Variants in COL8A2 observed in about 807,000 individuals in gnomAD.
COL8A2 encodes the protein collagen alpha-2(VIII) chain.
Under a neutral mutation model 24.0 loss-of-function variants are expected in COL8A2, and 16 were observed. The ratio of observed to expected loss-of-function variants is 0.67; its 90% CI spans 0.45 to 1.01. The LOEUF (loss-of-function observed/expected upper bound fraction) is 1.01, where lower values mean the gene tolerates loss of function less well. COL8A2 is among the 50% of genes least tolerant of loss of function. The probability of loss-of-function intolerance (pLI) is 0.00; values close to 1 mark genes in which losing one functional copy is unlikely to be tolerated. For synonymous variants in COL8A2, 466 were observed against 424.5 expected (o/e 1.10, Z -1.20); for missense variants, 818 against 942.4 (o/e 0.87, Z 1.73).
At chr1:36,101,753 TGAA>T (rs1462682873) in intron 2 of COL8A2, among the ~76,000 whole-genome samples, 1 of 152,180 alleles carries the variant, frequency 6.6e-6, no homozygotes, top group Non-Finnish European at 1.5e-5. Context: ...TGAAAATGAA[TGAA>T]GTACAGGCTG....
At chr1:36,109,956 G>C (rs1285792601) in intron 2 of COL8A2, among the ~76,000 whole-genome samples, 1 of 121,064 alleles carries the variant, frequency 8.3e-6, no homozygotes, top group Non-Finnish European at 1.6e-5. Context: ...TTGAGACGGA[G>C]TCTTGCTCTG....
intron 1 of COL8A2, among the ~76,000 whole-genome samples, chr1:36,118,327 C>T (rs749004540): frequency 5.9e-5 from 9 of 152,210 alleles, no homozygotes; most frequent in Non-Finnish European, 8.8e-5. Flanking sequence ...ACCTCAGCCA[C>T]GGGCCCTGCC....
intron 2 of COL8A2, among the ~76,000 whole-genome samples, chr1:36,106,549 G>A (rs1259588276): frequency 6.6e-6 from 1 of 152,198 alleles, no homozygotes; most frequent in Non-Finnish European, 1.5e-5. Context: ...GGAAGCCGAG[G>A]GAGGGGAGGG....
rs35841184 is a variant in COL8A2, at chr1:36,097,923, G to A, written c.1758C>T (p.Pro586=). The part of the protein sequence containing the change: ...AFTAVLTSPF[P]ASGMPVKFDR... ...CAAATTTCACGGGCATGCCCGAGGC[G>A]GGGAAGGGCGAGGTGAGCACCGCAG... The change falls in exon 4 of 4, where the codon CCC becomes CCT. Residue 586 remains proline, a synonymous_variant. Coordinates refer to ENST00000397799, the MANE Select transcript of COL8A2 (RefSeq NM_005202.4). 0.023 allele frequency: 37,253 copies of A among 1,611,396 alleles called. 552 individuals are homozygous for A. Among genetic ancestry groups the A allele is most frequent in the South Asian group, 0.032 (2,923 of 91,072 alleles).
intron 1 of COL8A2, among the ~76,000 whole-genome samples, chr1:36,121,920 G>A (rs1643917493): frequency 1.3e-5 from 2 of 152,060 alleles, no homozygotes; most frequent in Non-Finnish European, 2.9e-5. Flanking sequence ...TGGGCCAGCA[G>A]TGCCACCTGG....
intron 1 of COL8A2, among the ~76,000 whole-genome samples, chr1:36,124,754 G>T (rs72906731): frequency 6.6e-6 from 1 of 151,994 alleles, no homozygotes; most frequent in Non-Finnish European, 1.5e-5. Context: ...GTGGTGACGC[G>T]CCCAGAGCCA....
Position 36,099,402 on chromosome 1 carries a change from G to T in COL8A2, c.279C>A (p.Pro93=). Residue 93 remains proline (P), a synonymous_variant, in exon 4 of 4, where the codon CCC becomes CCA. Transcript: ENST00000397799. The stretch of plus-strand genomic sequence containing the variant: ...TGCCTGGTTTTCCTGGGAAGCCAGG[G>T]GGGCCAGGGGGACCCCGAGGCCCGG... ...GKPGPRGPPG[P]PGFPGKPGMG... is the part of the protein sequence containing the mutation. The T allele has an allele frequency of 6.4e-7, 1 of 1,556,408 alleles. No individual in the cohort carries two copies. Among genetic ancestry groups the T allele is most frequent in the Non-Finnish European group, 8.7e-7 (1 of 1,154,600 alleles).
In COL8A2 at chr1:36,099,042, G is replaced by A. The variant is rs377355712; in HGVS notation, c.639C>T (p.Pro213=). 71 of 1,535,826 alleles carry A rather than the reference G, an allele frequency of 4.6e-5. No individual in the cohort carries two copies. The highest frequency in any genetic ancestry group is 3.7e-4 in the African/African-American group (26 of 70,626). ...GLKGDNGVGQ[P]GLPGAPGQGG... ...CCTGCCCTGGGGCCCCAGGCAGCCC[G>A]GGCTGGCCCACTCCATTATCCCCCT... is the stretch of plus-strand genomic sequence containing the variant. Residue 213 remains proline, a synonymous_variant, in exon 4 of 4, where the codon CCC becomes CCT. Transcript: ENST00000397799.
Position 36,099,156 on chromosome 1 carries a change from T to G in COL8A2, c.525A>C (p.Pro175=). The G allele has an allele frequency of 6.7e-7, 1 of 1,497,910 alleles. No individual in the cohort carries two copies. The highest frequency in any genetic ancestry group is 1.3e-5 in the South Asian group (1 of 74,550). 92.8% of individuals were successfully genotyped at this position (1,497,910 alleles called of 1,614,324 possible). A position where few individuals can be genotyped will look rare whatever the true frequency, so the allele number is the denominator to read the frequency against. Reference sequence around the variant, plus strand: ...GGGGCCCTGGCACCCCTTGGGCACCTGGTTTTCCAGGGATAGTAATGCCTG... The same window carrying G: ...GGGGCCCTGGCACCCCTTGGGCACCGGGTTTTCCAGGGATAGTAATGCCTG... ...GPSGITIPGK[P]GAQGVPGPPG... is the part of the protein sequence containing the mutation. Residue 175 remains proline, a synonymous_variant, in exon 4 of 4, where the codon CCA becomes CCC. Transcript: ENST00000397799.
intron 2 of COL8A2, among the ~76,000 whole-genome samples, chr1:36,111,272 C>T (rs72906709): frequency 6.6e-6 from 1 of 152,086 alleles, no homozygotes; most frequent in African/African-American, 2.4e-5. Context: ...GCTCTCCACC[C>T]TCAGGCCCCA....
At chr1:36,124,270 G>T (rs1486577244) in intron 1 of COL8A2, among the ~76,000 whole-genome samples, 1 of 152,202 alleles carries the variant, frequency 6.6e-6, no homozygotes, top group Non-Finnish European at 1.5e-5. Flanking sequence ...CATACAACCA[G>T]CAAAGTTTTC....
intron 2 of COL8A2, among the ~76,000 whole-genome samples, chr1:36,100,961 C>G (rs1643671689): frequency 7.6e-6 from 1 of 131,214 alleles, no homozygotes; most frequent in Non-Finnish European, 1.6e-5. Context: ...TGGCGCCATC[C>G]TGGCTCACTG....
intron 2 of COL8A2, among the ~76,000 whole-genome samples, chr1:36,111,460 C>T (rs964601136): frequency 6.6e-6 from 1 of 152,150 alleles, no homozygotes; most frequent in Non-Finnish European, 1.5e-5. Context: ...GATGTTTCTC[C>T]TATAGTGTCT....
At chr1:36,117,065 C>T (rs931180733) in intron 1 of COL8A2, among the ~76,000 whole-genome samples, 1 of 152,218 alleles carries the variant, frequency 6.6e-6, no homozygotes, top group Non-Finnish European at 1.5e-5. Context: ...GCCTGCAGGC[C>T]GCGTCACTCT....
At chr1:36,110,607 A>G (rs891197608) in intron 2 of COL8A2, among the ~76,000 whole-genome samples, 4 of 152,086 alleles carry the variant, frequency 2.6e-5, no homozygotes, top group African/African-American at 9.7e-5. Context: ...CTCCTGCATC[A>G]GCCTCCCGTG....
chr1:36,116,288 AC>A (rs1643879199), intron 1 of COL8A2, among the ~76,000 whole-genome samples: 1 of 152,160 alleles, frequency 6.6e-6, no homozygotes, highest in East Asian at 1.9e-4. Context: ...ACTTAGCAAT[AC>A]CCACGGGGTG....
chr1:36,107,494 C>T (rs970484402), intron 2 of COL8A2, among the ~76,000 whole-genome samples: 2 of 152,062 alleles, frequency 1.3e-5, no homozygotes, highest in African/African-American at 4.8e-5. Flanking sequence ...GAGACAGACG[C>T]AAACAGAGGC....
chr1:36,102,043 G>A (rs1261776060), intron 2 of COL8A2, among the ~76,000 whole-genome samples: 1 of 152,052 alleles, frequency 6.6e-6, no homozygotes, highest in Non-Finnish European at 1.5e-5. Flanking sequence ...AATTAGCTGG[G>A]TGTGGGCGTG....
rs2124120042 is a variant in COL8A2 at position 36,125,222 on chromosome 1, T to G, written c.-227A>C. ...CGGCCGCCCCTCGCGGCTGCCGGAG[T>G]GGGCGGGCGGCAGGAGGGGCGCGTC... On this transcript the variant is annotated 5_prime_UTR_variant, in exon 1 of 4. Transcript: ENST00000397799. This position sits in a 1 kb window ranked among gnomAD's most constrained non-coding sequence, Gnocchi z 4.5. 2 of 299,322 alleles carry G rather than the reference T, an allele frequency of 6.7e-6. No homozygotes were observed. The highest frequency in any genetic ancestry group is 9.8e-6 in the Non-Finnish European group (2 of 204,258). The allele number at this position is 299,322 out of a possible 1,614,324, so 18.5% of individuals were successfully genotyped here.
Sources: allele counts gnomAD v4.1 joint callset (sites outside exome capture counted in the v4.1 genomes callset), GRCh38; gene constraint gnomAD v4.1.1; non-coding constraint Gnocchi (gnomAD v3.1); transcripts MANE v1.5; gene names NCBI Gene and HGNC (gene_info 2026-07-23, HGNC 2026-07-21).